ADAM8: variants seen among roughly 807,000 people sequenced by gnomAD.
ADAM8 encodes the protein disintegrin and metalloproteinase domain-containing protein 8.
Under a neutral mutation model 102.4 loss-of-function variants are expected in ADAM8, and 104 were observed. The observed-to-expected ratio is 1.02, with a 90% CI of 0.87 to 1.20. The LOEUF (loss-of-function observed/expected upper bound fraction) is 1.20, where lower values mean the gene tolerates loss of function less well. Ranked by LOEUF, ADAM8 falls within the 50% of genes most tolerant of loss-of-function variation. ADAM8 has a pLI of 0.00. For missense variants in ADAM8, 1,132 were observed against 1,159.0 expected, an observed-to-expected ratio of 0.98 and a Z score of 0.34; for synonymous variants, 517 against 485.2, an observed-to-expected ratio of 1.07 and a Z score of -0.86.
chr10:133,268,216 G>A lies in ADAM8; in HGVS notation c.2064-98C>T, dbSNP rs1276935972. ...CTCCCAGCTCCAGCCGACCCGAGAG[G>A]CTTCAGGGCGAGAGGTTGTGGCCAT... On this transcript the variant is annotated intron_variant, in intron 19 of 22. Coordinates refer to ENST00000445355, the MANE Select transcript of ADAM8 (RefSeq NM_001109.5). 3 of 1,093,334 alleles carry A rather than the reference G, an allele frequency of 2.7e-6. No individual in the cohort carries two copies. The African/African-American group carries it at 4.9e-5, about 18-fold the overall frequency. The allele number at this position is 1,093,334 out of a possible 1,614,324, so 67.7% of individuals were successfully genotyped here. A position where few individuals can be genotyped will look rare whatever the true frequency, so the allele number is the denominator to read the frequency against.
chr10:133,273,746 C>T lies in ADAM8; in HGVS notation c.383+16G>A, dbSNP rs376018417. On this transcript the variant is annotated intron_variant, in intron 5 of 22. Transcript: ENST00000445355. ...CTCCACCTGCGGGAGCCCTGGCGTT[C>T]GTCCGCCACACCCACCTGAGGCCGG... The T allele has an allele frequency of 3.7e-4, 576 of 1,545,228 alleles. 1 individual carries two copies. In the African/African-American group the frequency reaches 6.9e-3, roughly 18 times the overall value.
Position 133,276,814 on chromosome 10 carries a change from G to A in ADAM8, c.4C>T (p.Arg2Cys), listed in dbSNP as rs1247982181. 3.9e-6 allele frequency: 6 copies of A among 1,527,650 alleles called. No homozygotes were observed. The Admixed American group carries it at 1.0e-4, about 25-fold the overall frequency. The allele number at this position is 1,527,650 out of a possible 1,614,324, so 94.6% of individuals were successfully genotyped here. Reference sequence around the variant, plus strand: ...CCCAGCAGCCAGAGCCCGAGGCCGCGCATGGCCGGGTCGGGGAGCAGAGGC... The same window carrying A: ...CCCAGCAGCCAGAGCCCGAGGCCGCACATGGCCGGGTCGGGGAGCAGAGGC... MRGLGLWLLGAM... is the reference protein window; with the variant it reads MCGLGLWLLGAM... Residue 2 changes from arginine (R) to cysteine (C), a missense_variant, in exon 1 of 23, where the codon CGC becomes TGC. By Grantham distance (180) the Arg-to-Cys change is radical. Coordinates refer to ENST00000445355, the MANE Select transcript of ADAM8 (RefSeq NM_001109.5).
intron 21 of ADAM8, among the ~76,000 whole-genome samples, chr10:133,265,837 C>T (rs891679002): frequency 1.3e-5 from 2 of 152,072 alleles, no homozygotes; most frequent in Non-Finnish European, 2.9e-5. Context: ...AGGCAAACAG[C>T]ACAGAACAAC....
At chr10:133,273,917 A>G in intron 4 of ADAM8, 34 bp downstream of exon 4, 1 of 1,569,208 alleles carries the variant, frequency 6.4e-7, no homozygotes, top group Non-Finnish European at 8.6e-7. Context: ...CCCAGCCCCT[A>G]CCTGCCCGCC....
At chr10:133,263,354 C>T in intron 22 of ADAM8, 121 bp from the exon 23 acceptor site, 4 of 973,690 alleles carry the variant, frequency 4.1e-6, no homozygotes, top group Non-Finnish European at 6.0e-6. Context: ...GGTTCATCCA[C>T]CAACAACATG....
chr10:133,272,748 C>A (rs1479822922), intron 8 of ADAM8, 50 bp downstream of exon 8: 5 of 1,564,310 alleles, frequency 3.2e-6, no homozygotes, highest in Non-Finnish European at 4.3e-6. Context: ...ACACCCCCCC[C>A]ACCTCCCGCC....
At chr10:133,263,636 C>CCGTGCCACTGTCAGCCCCGTGGGGAGGG in intron 22 of ADAM8, 52 bp downstream of exon 22, 3 of 1,479,136 alleles carry the variant, frequency 2.0e-6, no homozygotes, top group Non-Finnish European at 2.7e-6. Context: ...CGTGGGGAGG[C>CCGTGCCACTGTCAGCCCCGTGGGGAGGG]CGTGCCGTCC....
chr10:133,263,650 G>A (rs1175885315), intron 22 of ADAM8, 38 bp downstream of exon 22: 2 of 1,523,500 alleles, frequency 1.3e-6, no homozygotes, highest in South Asian at 1.2e-5. Context: ...GCCGTCCATT[G>A]CACAGTGGAC....
At chr10:133,263,615 A>ATCGTCAG in intron 22 of ADAM8, 73 bp downstream of exon 22, 8 of 1,446,634 alleles carry the variant, frequency 5.5e-6, no homozygotes, top group Non-Finnish European at 7.4e-6. Flanking sequence ...GGGCAGTGCC[A>ATCGTCAG]CCGTCAGCCC....
rs761590772 is a variant in ADAM8, at chr10:133,271,291, T to C, written c.1285-2A>G. The C allele has an allele frequency of 1.2e-6, 2 of 1,608,978 alleles. No homozygotes were observed. Among genetic ancestry groups the C allele is most frequent in the South Asian group, 1.1e-5 (1 of 90,674 alleles). ...GTTGCAGCAGCGGTTCCGGCAGTCC[T>C]GGGGCGACGGCAAAGGCCTTGGCAG... On this transcript the variant is annotated splice_acceptor_variant, in intron 12 of 22. Transcript: ENST00000445355. LOFTEE classifies it high-confidence loss of function.
rs759599713 is a variant in ADAM8 at position 133,273,941 on chromosome 10, C to A, written c.306+10G>T. On this transcript the variant is annotated intron_variant, in intron 4 of 22. Coordinates refer to ENST00000445355, the MANE Select transcript of ADAM8 (RefSeq NM_001109.5). ...TACCTGCCCGCCCAGCTGCTCCGCC[C>A]GACCCATACCTGCCCGCGAGGCTGC... The A allele has an allele frequency of 1.3e-6, 2 of 1,591,272 alleles. No individual in the cohort carries two copies. Among genetic ancestry groups the A allele is most frequent in the East Asian group, 2.3e-5 (1 of 44,184 alleles).
At chr10:133,271,489 C>G in intron 12 of ADAM8, 39 bp downstream of exon 12, 15 of 1,521,680 alleles carry the variant, frequency 9.9e-6, no homozygotes, top group Non-Finnish European at 1.3e-5. Context: ...GGTTGTGGCA[C>G]CCAGTGCTGA....
In ADAM8 at chr10:133,270,722, C is replaced by T. The variant is rs748994860; in HGVS notation, c.1634+14G>A. On this transcript the variant is annotated intron_variant, in intron 15 of 22. Transcript: ENST00000445355. The stretch of plus-strand genomic sequence containing the variant: ...AACAGCACATGTCCTGGGCCCAGGG[C>T]GGTCTCAGCTCACCTGTACCGGCTG... The T allele has an allele frequency of 2.2e-5, 32 of 1,470,066 alleles. No homozygotes were observed. Among genetic ancestry groups the T allele is most frequent in the African/African-American group, 6.7e-5 (3 of 44,804 alleles). 91.1% of individuals were successfully genotyped at this position (1,470,066 alleles called of 1,614,324 possible).
chr10:133,272,991 T>A lies in ADAM8; in HGVS notation c.602A>T (p.Tyr201Phe), dbSNP rs1564926464. ...GDSLPSRETR[Y>F]VELYVVVDNA... ...GTCCACGACCACATACAGCTCCACG[T>A]AGCGGGTCTCTCGGGATGGCAGAGA... The change falls in exon 7 of 23, where the codon TAC (tyrosine) becomes TTC (phenylalanine). Residue 201 changes from tyrosine (Y) to phenylalanine (F), a missense_variant. Tyr to Phe is a conservative substitution (Grantham distance 22). Transcript: ENST00000445355. 6.2e-7 allele frequency: 1 copy of A among 1,612,716 alleles called. No individual in the cohort carries two copies. The highest frequency in any genetic ancestry group is 1.1e-5 in the South Asian group (1 of 91,086).
At position 133,269,935 on chromosome 10, in the gene ADAM8, T is replaced by C; in HGVS notation, c.1825A>G (p.Arg609Gly). Reference protein sequence around the residue: ...KGRCQDLHVYRSSNCSAQCHN... With the variant: ...KGRCQDLHVYGSSNCSAQCHN... Reference sequence around the variant, plus strand: ...CACTGGGCAGAGCAGTTGCTGGATCTGTAAACGTGTAAGTCCTGGCAACGT... The same window carrying C: ...CACTGGGCAGAGCAGTTGCTGGATCCGTAAACGTGTAAGTCCTGGCAACGT... The change falls in exon 17 of 23, where the codon AGA (arginine) becomes GGA (glycine). Residue 609 changes from arginine to glycine, a missense_variant. Coordinates refer to ENST00000445355, the MANE Select transcript of ADAM8 (RefSeq NM_001109.5). 1 of 1,612,772 alleles carries C rather than the reference T, an allele frequency of 6.2e-7. No individual in the cohort carries two copies. Among genetic ancestry groups the C allele is most frequent in the Non-Finnish European group, 8.5e-7 (1 of 1,179,964 alleles).
At chr10:133,270,210 G>A (rs574222965) in intron 16 of ADAM8, 150 bp downstream of exon 16, 8 of 1,202,586 alleles carry the variant, frequency 6.7e-6, no homozygotes, top group East Asian at 2.6e-5. Flanking sequence ...CCCCACCCCC[G>A]GAAACCTTTC....
intron 13 of ADAM8, 34 bp from the exon 14 acceptor site, chr10:133,271,104 A>G: frequency 6.3e-7 from 1 of 1,597,022 alleles, no homozygotes. Context: ...CCATGGGGAC[A>G]GGTCCACGCA....
Position 133,274,377 on chromosome 10 carries a change from C to T in ADAM8, c.151-142G>A, listed in dbSNP as rs375903691. 59 of 517,008 alleles carry T rather than the reference C, an allele frequency of 1.1e-4. No individual in the cohort carries two copies. In the East Asian group the frequency reaches 2.2e-3, roughly 19 times the overall value. 32.0% of individuals were successfully genotyped at this position (517,008 alleles called of 1,614,324 possible). A position where few individuals can be genotyped will look rare whatever the true frequency, so the allele number is the denominator to read the frequency against. ...TCAAGGCTCCATCCTGGAGGGTCCA[C>T]AGCCTCAGGCAGGGTAGAGGGTGGA... On this transcript the variant is annotated intron_variant, in intron 2 of 22. Coordinates refer to ENST00000445355, the MANE Select transcript of ADAM8 (RefSeq NM_001109.5).
intron 19 of ADAM8, 82 bp downstream of exon 19, chr10:133,268,666 G>C (rs1846412552): frequency 7.0e-7 from 1 of 1,436,830 alleles, no homozygotes. Flanking sequence ...TCCACCATGG[G>C]CCCGTGCTGG....
Sources: gnomAD v4.1 joint callset for allele counts (sites outside exome capture counted in the v4.1 genomes callset) on GRCh38, gnomAD v4.1.1 for gene constraint, MANE v1.5 for transcripts, NCBI Gene and HGNC (gene_info 2026-07-23, HGNC 2026-07-21) for gene names.